NOTCH2NLA: variants seen among roughly 807,000 people sequenced by gnomAD.
The protein encoded by NOTCH2NLA is notch 2 N-terminal like A.
chr1:146,182,836 ACT>A (rs1298340494), intron 2 of NOTCH2NLA, among the ~76,000 whole-genome samples: 4 of 88,892 alleles, frequency 4.5e-5, no homozygotes, highest in Admixed American at 1.3e-4. Context: ...ACAGAGCGAG[ACT>A]CTGTCTCAAA....
At position 146,186,862 on chromosome 1, in the gene NOTCH2NLA, AT is replaced by A. The variant is rs1275662461; in HGVS notation, c.38+2437del. ...CCTGAATGCTATGTGAAATAAATAA[AT>A]TTTTTTTTAATTTTGCTTTTAAGTT... On this transcript the variant is annotated intron_variant, in intron 2 of 4. Transcript: ENST00000362074. 8.9e-5 allele frequency among the ~76,000 whole-genome samples: 12 copies of A among 134,802 alleles called. 2 individuals carry two copies. The South Asian group carries it at 2.6e-3, about 29-fold the overall frequency. The allele number at this position is 134,802 out of a possible 152,430, so 88.4% of individuals were successfully genotyped here.
rs1374897552 is a variant in NOTCH2NLA at position 146,157,567 on chromosome 1, C to A, written c.299-752G>T. On this transcript the variant is annotated intron_variant, in intron 3 of 4. Coordinates refer to ENST00000362074, the Ensembl canonical transcript of NOTCH2NLA. ...GTAAAGTCATCCTTAGTGCCCCTCA[C>A]ATACATACATGTGCGCAAAGACAGA... 7.3e-5 allele frequency among the ~76,000 whole-genome samples: 2 copies of A among 27,466 alleles called. 1 individual carries two copies. The highest frequency in any genetic ancestry group is 1.5e-4 in the Non-Finnish European group (2 of 13,456). 18.0% of individuals were successfully genotyped at this position (27,466 alleles called of 152,430 possible).
chr1:146,200,614 A>G (rs1663376808), intron 1 of NOTCH2NLA, among the ~76,000 whole-genome samples: 1 of 116,514 alleles, frequency 8.6e-6, no homozygotes, highest in Non-Finnish European at 1.9e-5. Flanking sequence ...GATAATCTCA[A>G]TGTCCAAATC....
intron 3 of NOTCH2NLA, among the ~76,000 whole-genome samples, chr1:146,158,435 A>G (rs1358399483): frequency 2.0e-5 from 3 of 151,636 alleles, no homozygotes; most frequent in Admixed American, 6.6e-5. Flanking sequence ...TTGTCCTTGC[A>G]ATAGTTTGCT....
At chr1:146,185,369 G>T (rs1185156624) in intron 2 of NOTCH2NLA, among the ~76,000 whole-genome samples, 1 of 134,908 alleles carries the variant, frequency 7.4e-6, no homozygotes, top group African/African-American at 2.5e-5. Flanking sequence ...ACAAGGGAAA[G>T]AATAAAATAT....
intron 2 of NOTCH2NLA, among the ~76,000 whole-genome samples, chr1:146,186,363 T>G (rs587605744): frequency 1.1e-4 from 14 of 127,888 alleles, no homozygotes; most frequent in African/African-American, 3.6e-4. Flanking sequence ...TTTCTTTTTT[T>G]TTTTTTTTGG....
At chr1:146,189,599 CTTAT>C (rs1217816873) in intron 1 of NOTCH2NLA, among the ~76,000 whole-genome samples, 1 of 81,378 alleles carries the variant, frequency 1.2e-5, no homozygotes, top group African/African-American at 3.6e-5. Flanking sequence ...GAATCATGCT[CTTAT>C]TTCTCTGTGT....
Position 146,187,964 on chromosome 1 carries a change from T to C in NOTCH2NLA, c.38+1336A>G, listed in dbSNP as rs1465376433. Among the ~76,000 whole-genome samples the C allele has an allele frequency of 2.9e-5, 4 of 136,046 alleles. 1 individual carries two copies. The highest frequency in any genetic ancestry group is 5.1e-5 in the Non-Finnish European group (3 of 58,782). 89.3% of individuals were successfully genotyped at this position (136,046 alleles called of 152,430 possible). On this transcript the variant is annotated intron_variant, in intron 2 of 4. Transcript: ENST00000362074. ...AACCTATTGTTAAGCTTTACTGTCATCACAGCTTAATTTTCACTTTAGTGA... is the reference window on the plus strand; with the variant it reads ...AACCTATTGTTAAGCTTTACTGTCACCACAGCTTAATTTTCACTTTAGTGA...
rs1331942210 is a variant in NOTCH2NLA, at chr1:146,159,365, G to A, written c.299-2550C>T. Reference sequence around the variant, plus strand: ...GAAGAAAGAAAGACAGAAAGAGAGAGGGAAAGAGAGAGGAAGAGAGAAAGA... The same window carrying A: ...GAAGAAAGAAAGACAGAAAGAGAGAAGGAAAGAGAGAGGAAGAGAGAAAGA... On this transcript the variant is annotated intron_variant, in intron 3 of 4. Coordinates refer to ENST00000362074, the Ensembl canonical transcript of NOTCH2NLA. Among the ~76,000 whole-genome samples, 10 of 145,078 alleles carry A rather than the reference G, an allele frequency of 6.9e-5. No individual in the cohort carries two copies. In the Admixed American group the frequency reaches 7.2e-4, roughly 10 times the overall value.
At chr1:146,187,042 T>A in intron 2 of NOTCH2NLA, among the ~76,000 whole-genome samples, 4 of 120,510 alleles carry the variant, frequency 3.3e-5, no homozygotes, top group South Asian at 2.9e-4. Context: ...CCCCACCCCC[T>A]GACAGGCTCC....
At chr1:146,203,670 GA>G (rs1459036945) in intron 1 of NOTCH2NLA, among the ~76,000 whole-genome samples, 46 of 68,962 alleles carry the variant, frequency 6.7e-4, no homozygotes, top group African/African-American at 3.0e-3. Context: ...CTCAGAGGGG[GA>G]AAAAAGACAA....
intron 2 of NOTCH2NLA, among the ~76,000 whole-genome samples, chr1:146,167,111 CAA>C (rs1296190751): frequency 1.1e-5 from 1 of 90,272 alleles, no homozygotes; most frequent in African/African-American, 4.2e-5. Flanking sequence ...GATTCCATCT[CAA>C]AAAAAAAAGT....
intron 3 of NOTCH2NLA, among the ~76,000 whole-genome samples, chr1:146,159,447 GAGAA>G (rs1161427767): frequency 2.2e-4 from 30 of 135,776 alleles, no homozygotes; most frequent in African/African-American, 2.6e-4. Flanking sequence ...AAGAAAGAAA[GAGAA>G]AGAAAGAAAG....
intron 2 of NOTCH2NLA, among the ~76,000 whole-genome samples, chr1:146,171,324 A>G (rs1772521): frequency 2.2e-5 from 3 of 137,884 alleles, no homozygotes; most frequent in Admixed American, 1.5e-4. Context: ...CCAGCTACTC[A>G]GGAGGCTGAG....
At chr1:146,219,599 G>A (rs1553817726) in intron 1 of NOTCH2NLA, among the ~76,000 whole-genome samples, 1 of 104,928 alleles carries the variant, frequency 9.5e-6, no homozygotes, top group Non-Finnish European at 1.8e-5. Context: ...TACAAAAGAA[G>A]TAGGAAAAAA....
Position 146,187,891 on chromosome 1 carries a change from G to A in NOTCH2NLA, c.38+1409C>T, listed in dbSNP as rs1662862629. Among the ~76,000 whole-genome samples, 2 of 135,690 alleles carry A rather than the reference G, an allele frequency of 1.5e-5. 1 individual carries two copies. The highest frequency in any genetic ancestry group is 3.4e-5 in the Non-Finnish European group (2 of 58,722). 89.0% of individuals were successfully genotyped at this position (135,690 alleles called of 152,430 possible). ...AAACTAAATGAGCAGCCCATAATAA[G>A]CTACATAAAACCTTTATTTCCAATG... On this transcript the variant is annotated intron_variant, in intron 2 of 4. Coordinates refer to ENST00000362074, the Ensembl canonical transcript of NOTCH2NLA.
At chr1:146,185,968 T>C (rs1222856914) in intron 2 of NOTCH2NLA, among the ~76,000 whole-genome samples, 3 of 135,564 alleles carry the variant, frequency 2.2e-5, no homozygotes, top group African/African-American at 5.0e-5. Context: ...GAAAATACAC[T>C]GAAAGCTCTG....
intron 1 of NOTCH2NLA, among the ~76,000 whole-genome samples, chr1:146,195,057 T>C (rs1663112102): frequency 9.2e-6 from 1 of 109,242 alleles, no homozygotes; most frequent in Non-Finnish European, 1.8e-5. Context: ...CCCCCCATCC[T>C]TGTAACACTC....
chr1:146,187,125 C>T (rs1430147084), intron 2 of NOTCH2NLA, among the ~76,000 whole-genome samples: 17 of 129,108 alleles, frequency 1.3e-4, no homozygotes, highest in African/African-American at 4.1e-4. Flanking sequence ...GAGAACATGC[C>T]GTGTTTGGTT....
Sources: gnomAD v4.1 joint callset for allele counts (sites outside exome capture counted in the v4.1 genomes callset) on GRCh38, gnomAD v4.1.1 for gene constraint, MANE v1.5 for transcripts, NCBI Gene and HGNC (gene_info 2026-07-23, HGNC 2026-07-21) for gene names.